Variants in MTFR1 observed in about 807,000 individuals in gnomAD.
MTFR1 encodes chondrocyte protein with a poly-proline region.
A neutral mutation model predicts 38.8 loss-of-function variants in MTFR1; 28 were observed. The ratio of observed to expected loss-of-function variants is 0.72; its 90% CI spans 0.53 to 0.99. MTFR1 has a LOEUF of 0.99. Among genes scored for constraint, MTFR1 ranks in the 50% least tolerant of loss-of-function variants. The pLI is 0.00. For synonymous variants in MTFR1, 145 were observed against 137.0 expected, an observed-to-expected ratio of 1.06 and a Z score of -0.41; for missense variants, 358 against 395.5, an observed-to-expected ratio of 0.91 and a Z score of 0.81.
At chr8:65,729,803 A>T (rs1253761293) in intron 3 of MTFR1, among the ~76,000 whole-genome samples, 1 of 151,786 alleles carries the variant, frequency 6.6e-6, no homozygotes, top group Non-Finnish European at 1.5e-5. Context: ...TCCTAATCTC[A>T]GGTGATCCGC....
chr8:65,766,986 A>C (rs17304935), intron 3 of MTFR1, among the ~76,000 whole-genome samples: 62,258 of 151,616 alleles, frequency 0.41, 16,635 homozygotes, highest in African/African-American at 0.77. Context: ...TGTCAGAAAT[A>C]AGTCTGCTCA....
downstream of MTFR1, among the ~76,000 whole-genome samples, chr8:65,710,990 T>TAGAGAG (rs58516082): frequency 6.0e-5 from 9 of 150,856 alleles, no homozygotes; most frequent in African/African-American, 2.2e-4. Flanking sequence ...TATATATATA[T>TAGAGAG]AGAGAGAGAG....
downstream of MTFR1, among the ~76,000 whole-genome samples, chr8:65,771,884 C>CAAAAAAAA (rs36101490): frequency 2.5e-4 from 14 of 55,774 alleles, no homozygotes; most frequent in Non-Finnish European, 3.0e-4. Flanking sequence ...CTCCATCTCT[C>CAAAAAAAA]AAAAAAAAAA....
intron 1 of MTFR1, among the ~76,000 whole-genome samples, chr8:65,649,875 G>A (rs113332917): frequency 0.2 from 28,976 of 147,494 alleles, 2,940 homozygotes; most frequent in Middle Eastern, 0.24. Context: ...GTCTCGCTCT[G>A]TCACCAAGGC....
rs1585805142 is a variant in MTFR1, at chr8:65,710,333, T to G, written c.*1289T>G. 1 of 152,410 alleles carries G rather than the reference T, an allele frequency of 6.6e-6. No homozygotes were observed. The highest frequency in any genetic ancestry group is 2.4e-5 in the African/African-American group (1 of 41,462). 9.4% of individuals were successfully genotyped at this position (152,410 alleles called of 1,614,324 possible). On this transcript the variant is annotated 3_prime_UTR_variant, in exon 8 of 8. Coordinates refer to ENST00000262146, the MANE Select transcript of MTFR1 (RefSeq NM_014637.4). ...GGGAAATGACATGGCTTGATTGTTCTGTTTAAATTTGTACTGTGGCTTATG... is the reference window on the plus strand; with the variant it reads ...GGGAAATGACATGGCTTGATTGTTCGGTTTAAATTTGTACTGTGGCTTATG...
At chr8:65,731,569 A>G (rs1210406298) in intron 3 of MTFR1, 1 of 152,216 alleles carries the variant, frequency 6.6e-6, no homozygotes, top group Non-Finnish European at 1.5e-5. Context: ...ACCAGTGTCA[A>G]TCAATCAAGG....
intron 2 of MTFR1, among the ~76,000 whole-genome samples, chr8:65,677,317 G>A (rs1282220269): frequency 6.7e-6 from 1 of 149,658 alleles, no homozygotes; most frequent in Non-Finnish European, 1.5e-5. Context: ...TGATCCACCC[G>A]CCTCGGCCTT....
At chr8:65,760,409 T>C (rs1052121549) in intron 3 of MTFR1, among the ~76,000 whole-genome samples, 1 of 152,212 alleles carries the variant, frequency 6.6e-6, no homozygotes, top group African/African-American at 2.4e-5. Context: ...GCAGTAAAGA[T>C]CCTTATAACT....
At chr8:65,771,950 GGTTA>G (rs1443583996), downstream of MTFR1, among the ~76,000 whole-genome samples, 1 of 150,440 alleles carries the variant, frequency 6.6e-6, no homozygotes, top group African/African-American at 2.4e-5. Flanking sequence ...CAGGGATAAC[GGTTA>G]GTTAGGAGAA....
intron 2 of MTFR1, among the ~76,000 whole-genome samples, chr8:65,672,126 G>A (rs1048734089): frequency 6.6e-6 from 1 of 152,204 alleles, no homozygotes; most frequent in African/African-American, 2.4e-5. Flanking sequence ...TCAAAATATT[G>A]TAATTACAAC....
chr8:65,777,586 T>A, the MTFR1 span, among the ~76,000 whole-genome samples: 323 of 152,378 alleles, frequency 2.1e-3, 1 homozygote, highest in African/African-American at 7.4e-3. Context: ...AACCTTGTCA[T>A]GTTGTAGTAT....
intron 3 of MTFR1, among the ~76,000 whole-genome samples, chr8:65,762,991 ATGTGTG>A (rs34371328): frequency 0.076 from 10,479 of 138,492 alleles, 514 homozygotes; most frequent in African/African-American, 0.15. Context: ...TATAAAAACA[ATGTGTG>A]TGTGTGTGTG....
At chr8:65,734,868 G>C (rs756238378) in intron 3 of MTFR1, 17 of 1,611,080 alleles carry the variant, frequency 1.1e-5, no homozygotes, top group Non-Finnish European at 2.5e-6. Context: ...TAAGGATTTT[G>C]ACTGTGGTAA....
intron 3 of MTFR1, among the ~76,000 whole-genome samples, chr8:65,750,474 CTGTGTG>C (rs371620919): frequency 4.2e-5 from 6 of 142,626 alleles, no homozygotes; most frequent in East Asian, 4.0e-4. Flanking sequence ...ATTAGAATCA[CTGTGTG>C]TGTGTGTGTG....
At chr8:65,651,559 T>A (rs1809123998) in intron 1 of MTFR1, among the ~76,000 whole-genome samples, 2 of 152,224 alleles carry the variant, frequency 1.3e-5, no homozygotes, top group Non-Finnish European at 2.9e-5. Context: ...GAAGAGACTG[T>A]CTTTTCCCAA....
intron 3 of MTFR1, among the ~76,000 whole-genome samples, chr8:65,750,999 A>G (rs967014363): frequency 1.3e-5 from 2 of 152,182 alleles, no homozygotes; most frequent in Non-Finnish European, 2.9e-5. Flanking sequence ...TAAGAAATGG[A>G]CCTTCACTTA....
At chr8:65,664,460 T>A (rs180876647) in intron 1 of MTFR1, among the ~76,000 whole-genome samples, 13 of 152,270 alleles carry the variant, frequency 8.5e-5, no homozygotes, top group Middle Eastern at 6.8e-3. Context: ...AAGGCATGGA[T>A]ATTGACTCAG....
At position 65,694,069 on chromosome 8, in the gene MTFR1, A is replaced by AT. The variant is rs1306535043; in HGVS notation, c.281+312dup. Among the ~76,000 whole-genome samples, 5 of 134,460 alleles carry AT rather than the reference A, an allele frequency of 3.7e-5. No homozygotes were observed. The East Asian group carries it at 1.1e-3, about 28-fold the overall frequency. 88.2% of individuals were successfully genotyped at this position (134,460 alleles called of 152,430 possible). On this transcript the variant is annotated intron_variant, in intron 4 of 7. Transcript: ENST00000262146. ...AGGCATGCACCACCAACCCTGGCTA[A>AT]TTCTTTTTTTTTTTTTTTTTTTTTA...
intron 2 of MTFR1, among the ~76,000 whole-genome samples, chr8:65,674,956 CTA>C (rs900118563): frequency 1.3e-5 from 2 of 152,086 alleles, no homozygotes; most frequent in African/African-American, 4.8e-5. Context: ...GTGTACTTTG[CTA>C]CCCTTAGAAG....
Sources: gnomAD v4.1 joint callset for allele counts (sites outside exome capture counted in the v4.1 genomes callset) on GRCh38, gnomAD v4.1.1 for gene constraint, MANE v1.5 for transcripts, NCBI Gene and HGNC (gene_info 2026-07-23, HGNC 2026-07-21) for gene names.